LYZL1: variants seen among roughly 807,000 people sequenced by gnomAD.
LYZL1 encodes the protein lysozyme-like protein 1.
Under a neutral mutation model 17.9 loss-of-function variants are expected in LYZL1, and 16 were observed. The ratio of observed to expected loss-of-function variants is 0.90; its 90% CI spans 0.61 to 1.36. The LOEUF is 1.36. LYZL1 is among the 40% of genes most tolerant of loss of function. The pLI is 0.00. For synonymous variants in LYZL1, 58 were observed against 71.8 expected, an observed-to-expected ratio of 0.81 and a Z score of 0.97; for missense variants, 149 against 188.4, an observed-to-expected ratio of 0.79 and a Z score of 1.22.
At position 29,300,686 on chromosome 10, in the gene LYZL1, T is replaced by C. The variant is rs576051496; in HGVS notation, c.298+8009T>C. Among the ~76,000 whole-genome samples, 4 of 152,320 alleles carry C rather than the reference T, an allele frequency of 2.6e-5. No homozygotes were observed. The South Asian group carries it at 6.2e-4, about 24-fold the overall frequency. The stretch of plus-strand genomic sequence containing the variant: ...CTTTACCTTCTTTTTGGTTTTGGTT[T>C]CGGTTTTTTTAGACTAGAGGTCTAC... On this transcript the variant is annotated intron_variant, in intron 3 of 4. Coordinates refer to ENST00000649382, the MANE Select transcript of LYZL1 (RefSeq NM_032517.6).
intron 3 of LYZL1, among the ~76,000 whole-genome samples, chr10:29,309,196 G>C (rs1187660314): frequency 6.6e-6 from 1 of 151,938 alleles, no homozygotes; most frequent in African/African-American, 2.4e-5. Flanking sequence ...CAGCATGGTG[G>C]CACACACCTG....
intron 4 of LYZL1, among the ~76,000 whole-genome samples, chr10:29,317,773 G>A (rs1785654612): frequency 6.6e-6 from 1 of 152,126 alleles, no homozygotes; most frequent in African/African-American, 2.4e-5. Context: ...AACCAGGCTT[G>A]TAATAAACAT....
intron 3 of LYZL1, among the ~76,000 whole-genome samples, chr10:29,305,422 A>C (rs1356960579): frequency 2.0e-5 from 3 of 152,236 alleles, no homozygotes; most frequent in Non-Finnish European, 4.4e-5. Context: ...CCCTATCAGA[A>C]TACAGGCTCA....
downstream of LYZL1, among the ~76,000 whole-genome samples, chr10:29,315,236 G>A (rs1056425388): frequency 1.3e-5 from 2 of 152,142 alleles, no homozygotes; most frequent in African/African-American, 4.8e-5. Flanking sequence ...TAGGCCGGGC[G>A]CAGTGGCTCA....
chr10:29,292,015 C>A lies in LYZL1; in HGVS notation c.139+9C>A, dbSNP rs1774948. 0.17 allele frequency: 186,391 copies of A among 1,101,922 alleles called. 59,101 individuals carry two copies. Among genetic ancestry groups the A allele is most frequent in the East Asian group, 0.42 (14,498 of 34,200 alleles). 68.3% of individuals were successfully genotyped at this position (1,101,922 alleles called of 1,614,324 possible). Reference sequence around the variant, plus strand: ...CTTCAGCCTTGGAAACTGTGAGACTCTTTCTTTCCTGCTCTCCTTCTGTCC... The same window carrying A: ...CTTCAGCCTTGGAAACTGTGAGACTATTTCTTTCCTGCTCTCCTTCTGTCC... On this transcript the variant is annotated intron_variant, in intron 2 of 4. Transcript: ENST00000649382.
Position 29,292,595 on chromosome 10 carries a change from T to C in LYZL1, c.216T>C (p.Tyr72=), listed in dbSNP as rs146064727. The C allele has an allele frequency of 6.1e-4, 988 of 1,614,106 alleles. 6 individuals carry two copies. The highest frequency in any genetic ancestry group is 3.1e-3 in the Middle Eastern group (19 of 6,062). The stretch of plus-strand genomic sequence containing the variant: ...TCCTGGATGACGGCAGCATCGACTA[T>C]GGCATCTTCCAGATCAACAGCTTCG... ...QTVLDDGSID[Y]GIFQINSFAW... is the part of the protein sequence containing the mutation. The change falls in exon 3 of 5, where the codon TAT becomes TAC. Residue 72 remains tyrosine (Y), a synonymous_variant. Transcript: ENST00000649382.
intron 1 of LYZL1, among the ~76,000 whole-genome samples, chr10:29,291,024 C>A (rs184208021): frequency 6.6e-6 from 1 of 152,058 alleles, no homozygotes; most frequent in Non-Finnish European, 1.5e-5. Flanking sequence ...CTGAAATGGG[C>A]TGTCTGTTTC....
At position 29,289,100 on chromosome 10, in the gene LYZL1, C is replaced by T. The variant is rs758962001; in HGVS notation, c.-156C>T. ...AGGATTACTCGCGCCTCGTTAGAAT[C>T]AGACATGGCTTCAGGGGATGCAGGA... On this transcript the variant is annotated 5_prime_UTR_variant, in exon 1 of 5. Transcript: ENST00000649382. 1 of 1,559,414 alleles carries T rather than the reference C, an allele frequency of 6.4e-7. No homozygotes were observed.
chr10:29,301,395 G>A (rs145992028), intron 3 of LYZL1, among the ~76,000 whole-genome samples: 44 of 152,078 alleles, frequency 2.9e-4, no homozygotes, highest in African/African-American at 9.9e-4. Context: ...ATGGGGTCTC[G>A]CCATGTTGCC....
intron 2 of LYZL1, 33 bp from the exon 3 acceptor site, chr10:29,292,486 C>T (rs200752777): frequency 2.3e-5 from 37 of 1,607,842 alleles, no homozygotes; most frequent in South Asian, 3.3e-5. Flanking sequence ...GATGCACTTC[C>T]TTTGCTGGCG....
At chr10:29,312,498 G>A (rs993583223), downstream of LYZL1, among the ~76,000 whole-genome samples, 1 of 152,020 alleles carries the variant, frequency 6.6e-6, no homozygotes, top group Non-Finnish European at 1.5e-5. Flanking sequence ...GGACACCCCT[G>A]ATTTAAATTA....
chr10:29,294,975 T>A (rs7100006), intron 3 of LYZL1, among the ~76,000 whole-genome samples: 9,643 of 152,308 alleles, frequency 0.063, 354 homozygotes, highest in Middle Eastern at 0.12. Flanking sequence ...TCTCAAAATA[T>A]GTTACATTGA....
intron 3 of LYZL1, among the ~76,000 whole-genome samples, chr10:29,296,190 A>G (rs1835444343): frequency 6.6e-6 from 1 of 152,196 alleles, no homozygotes; most frequent in Non-Finnish European, 1.5e-5. Context: ...CAATAAGATA[A>G]AAAGATAAAT....
At chr10:29,293,127 C>CTTTTTTTTTTTTTTTTTTTT (rs778807136) in intron 3 of LYZL1, among the ~76,000 whole-genome samples, 13 of 104,192 alleles carry the variant, frequency 1.2e-4, no homozygotes, top group Non-Finnish European at 1.6e-4. Context: ...CTTTTCTTTT[C>CTTTTTTTTTTTTTTTTTTTT]TTTTTTCTTT....
chr10:29,316,371 G>T (rs541508259), intron 3 of LYZL1, among the ~76,000 whole-genome samples: 1 of 152,356 alleles, frequency 6.6e-6, no homozygotes, highest in East Asian at 1.9e-4. Flanking sequence ...AGAAAGAGAA[G>T]AGGAAGCCCA....
chr10:29,297,824 A>G (rs1264631437), intron 3 of LYZL1, among the ~76,000 whole-genome samples: 2 of 152,026 alleles, frequency 1.3e-5, no homozygotes, highest in Non-Finnish European at 2.9e-5. Context: ...AAAACAGAAT[A>G]TACAACAGGC....
At chr10:29,292,061 T>C in intron 2 of LYZL1, 55 bp downstream of exon 2, 1 of 1,526,924 alleles carries the variant, frequency 6.5e-7, no homozygotes, top group Non-Finnish European at 8.9e-7. Context: ...CCCTGAGATG[T>C]TGAAGGTCCT....
At chr10:29,302,771 C>G (rs979235181) in intron 3 of LYZL1, among the ~76,000 whole-genome samples, 8 of 152,178 alleles carry the variant, frequency 5.3e-5, no homozygotes, top group African/African-American at 7.2e-5. Context: ...CCGTACCCCG[C>G]GGACACAGTT....
chr10:29,292,509 C>G lies in LYZL1; in HGVS notation c.140-10C>G, dbSNP rs750478744. On this transcript the variant is annotated splice_polypyrimidine_tract_variant and intron_variant, in intron 2 of 4. Coordinates refer to ENST00000649382, the MANE Select transcript of LYZL1 (RefSeq NM_032517.6). ...TCCTTTGCTGGCGTTTCTGGCTTTC[C>G]CCCCTCCAGGGATCTGCATGGCATA... 1 of 1,611,204 alleles carries G rather than the reference C, an allele frequency of 6.2e-7. No individual in the cohort carries two copies. The highest frequency in any genetic ancestry group is 1.3e-5 in the African/African-American group (1 of 74,894).
Sources: allele counts gnomAD v4.1 joint callset (sites outside exome capture counted in the v4.1 genomes callset), GRCh38; gene constraint gnomAD v4.1.1; transcripts MANE v1.5; gene names NCBI Gene and HGNC (gene_info 2026-07-23, HGNC 2026-07-21).